ATG14: variants seen among roughly 807,000 people sequenced by gnomAD.
ATG14 encodes the protein autophagy related 14.
In ATG14, 35 loss-of-function variants were observed where a neutral mutation model predicts 60.4. The ratio of observed to expected loss-of-function variants is 0.58; its 90% CI spans 0.44 to 0.77. ATG14 has a LOEUF of 0.77. Ranked by LOEUF, ATG14 falls within the 30% of genes least tolerant of loss-of-function variation. The pLI, the probability that ATG14 is intolerant of heterozygous loss-of-function variation, is 0.00. For synonymous variants in ATG14, 234 were observed against 228.8 expected (o/e 1.02, Z -0.21); for missense variants, 647 against 626.3 (o/e 1.03, Z -0.35).
intron 1 of ATG14, among the ~76,000 whole-genome samples, chr14:55,409,502 G>A (rs1352657608): frequency 2.0e-5 from 3 of 152,110 alleles, no homozygotes; most frequent in Admixed American, 6.5e-5. Context: ...GGTTAAATAC[G>A]CATGAGGTTA....
At chr14:55,382,222 A>G (rs1239787185) in intron 5 of ATG14, 31 bp from the exon 6 acceptor site, 1 of 1,606,090 alleles carries the variant, frequency 6.2e-7, no homozygotes, top group Non-Finnish European at 8.5e-7. Context: ...ACGGATTTTC[A>G]AGAGAGAGGG....
chr14:55,382,094 G>A lies in ATG14; in HGVS notation c.745C>T (p.Arg249Ter). 2.5e-6 allele frequency: 4 copies of A among 1,614,070 alleles called. No individual in the cohort carries two copies. Among genetic ancestry groups the A allele is most frequent in the Non-Finnish European group, 2.5e-6 (3 of 1,180,004 alleles). ...EARRTTYLSGRWVCDDHNGDT... is the reference protein window; with the variant it reads ...EARRTTYLSG Reference sequence around the variant, plus strand: ...CCGTTGTGATCGTCACAGACCCATCGTCCTGAGAGGTAAGTTGTCCTCCGG... The same window carrying A: ...CCGTTGTGATCGTCACAGACCCATCATCCTGAGAGGTAAGTTGTCCTCCGG... Residue 249 changes from arginine (R) to a stop codon, truncating the protein, a stop_gained, in exon 6 of 10, where the codon CGA (arginine) becomes TGA (stop). Transcript: ENST00000247178. LOFTEE classifies it high-confidence loss of function.
chr14:55,378,056 A>G lies in ATG14; in HGVS notation c.1014T>C (p.Asn338=). 4 of 1,612,902 alleles carry G rather than the reference A, an allele frequency of 2.5e-6. No individual in the cohort carries two copies. The highest frequency in any genetic ancestry group is 3.4e-6 in the Non-Finnish European group (4 of 1,179,232). ...CTCGAGTAAATTTCTGCTTGCTTAG[A>G]TTTTCGCCACAAAATTCACTGTAAA... ...KLCNSEFCGE[N]LSKQKFTRAV... is the part of the protein sequence containing the mutation. Residue 338 remains asparagine (N), a synonymous_variant, in exon 8 of 10, where the codon AAT becomes AAC. Transcript: ENST00000247178.
intron 5 of ATG14, among the ~76,000 whole-genome samples, chr14:55,385,295 TTTTG>T (rs1322834866): frequency 1.3e-5 from 2 of 152,138 alleles, no homozygotes; most frequent in Non-Finnish European, 1.5e-5. Flanking sequence ...TCTGGTTTTT[TTTTG>T]TTTGTTTCTT....
At chr14:55,374,452 CTGTT>C (rs1246155974) in intron 9 of ATG14, among the ~76,000 whole-genome samples, 1 of 152,144 alleles carries the variant, frequency 6.6e-6, no homozygotes, top group Non-Finnish European at 1.5e-5. Flanking sequence ...AATCTGTTGT[CTGTT>C]ATAGAGGTTG....
chr14:55,369,532 T>TCTTAA lies in ATG14; in HGVS notation c.*82_*86dup, dbSNP rs1342431632. ...TTTAACCTCTTTGTTCCAGACACTA[T>TCTTAA]CTTAACTTAAACAGAAAATGTTTAC... On this transcript the variant is annotated 3_prime_UTR_variant, in exon 10 of 10. Coordinates refer to ENST00000247178, the MANE Select transcript of ATG14 (RefSeq NM_014924.5). 3.2e-6 allele frequency: 4 copies of TCTTAA among 1,258,510 alleles called. No individual in the cohort carries two copies. The highest frequency in any genetic ancestry group is 3.0e-5 in the African/African-American group (2 of 67,432). 78.0% of individuals were successfully genotyped at this position (1,258,510 alleles called of 1,614,324 possible).
At chr14:55,374,872 A>G (rs1884889129) in intron 9 of ATG14, among the ~76,000 whole-genome samples, 1 of 152,192 alleles carries the variant, frequency 6.6e-6, no homozygotes, top group Non-Finnish European at 1.5e-5. Flanking sequence ...ACCTATTTGC[A>G]TGCTAACAGC....
intron 1 of ATG14, among the ~76,000 whole-genome samples, chr14:55,399,114 T>C (rs1885360304): frequency 6.6e-6 from 1 of 152,216 alleles, no homozygotes; most frequent in Non-Finnish European, 1.5e-5. Context: ...CCCCAAGATG[T>C]CTGCTTCTAA....
At chr14:55,385,527 A>C (rs1885110134) in intron 5 of ATG14, among the ~76,000 whole-genome samples, 1 of 152,208 alleles carries the variant, frequency 6.6e-6, no homozygotes, top group Non-Finnish European at 1.5e-5. Context: ...TCCTGACCTC[A>C]GGTGATTCGC....
At chr14:55,380,390 C>T (rs1166546044) in intron 7 of ATG14, among the ~76,000 whole-genome samples, 183 bp downstream of exon 7, 1 of 152,190 alleles carries the variant, frequency 6.6e-6, no homozygotes, top group African/African-American at 2.4e-5. Context: ...TCACGTACAA[C>T]TGTAAGATAA....
chr14:55,376,116 A>G (rs1190013973), intron 9 of ATG14, among the ~76,000 whole-genome samples: 1 of 152,220 alleles, frequency 6.6e-6, no homozygotes. Flanking sequence ...GGAGTCAGCC[A>G]GGTGTGCACT....
chr14:55,400,273 T>C (rs931238101), intron 1 of ATG14, among the ~76,000 whole-genome samples: 16 of 152,120 alleles, frequency 1.1e-4, no homozygotes, highest in South Asian at 2.1e-4. Flanking sequence ...AAAAATAGAG[T>C]ATCACTATAT....
intron 6 of ATG14, among the ~76,000 whole-genome samples, chr14:55,381,549 T>C (rs763735051): frequency 1.3e-5 from 2 of 152,192 alleles, no homozygotes; most frequent in Non-Finnish European, 2.9e-5. Context: ...ATCCATATGA[T>C]GGAATATTAC....
chr14:55,370,732 C>G (rs1884796349), intron 9 of ATG14, among the ~76,000 whole-genome samples: 1 of 151,992 alleles, frequency 6.6e-6, no homozygotes, highest in South Asian at 2.1e-4. Context: ...CCTCCACCGC[C>G]CAGGTGCAAG....
chr14:55,398,343 C>T (rs1885348806), intron 1 of ATG14, among the ~76,000 whole-genome samples: 2 of 152,020 alleles, frequency 1.3e-5, no homozygotes. Flanking sequence ...TTTCTTTTTG[C>T]AGTTTAAGGT....
At chr14:55,391,936 T>C (rs1306993760) in intron 3 of ATG14, among the ~76,000 whole-genome samples, 3 of 152,350 alleles carry the variant, frequency 2.0e-5, no homozygotes, top group African/African-American at 7.2e-5. Flanking sequence ...CAGAAAATTA[T>C]ATGAAACATG....
chr14:55,389,021 T>G (rs1261630173), intron 4 of ATG14, among the ~76,000 whole-genome samples: 1 of 152,208 alleles, frequency 6.6e-6, no homozygotes, highest in East Asian at 1.9e-4. Context: ...AAGTCCAGGA[T>G]AGATCCTAGG....
At chr14:55,409,511 T>C (rs1017511094) in intron 1 of ATG14, among the ~76,000 whole-genome samples, 2 of 151,980 alleles carry the variant, frequency 1.3e-5, no homozygotes, top group East Asian at 3.9e-4. Flanking sequence ...CGCATGAGGT[T>C]AGCATTTTAA....
chr14:55,395,973 T>G lies in ATG14; in HGVS notation c.294A>C (p.Lys98Asn). The change falls in exon 3 of 10, where the codon AAA becomes AAC. Residue 98 changes from lysine to asparagine, a missense_variant. Lys to Asn is a moderately conservative substitution (Grantham distance 94). Coordinates refer to ENST00000247178, the MANE Select transcript of ATG14 (RefSeq NM_014924.5). The part of the protein sequence containing the change: ...KQEEFQKEVL[K>N]AMEGKWITDQ... Reference sequence around the variant, plus strand: ...CTGTTATCCATTTTCCTTCCATAGCTTTTAACACTCTGTGAGGAAAAGAGA... The same window carrying G: ...CTGTTATCCATTTTCCTTCCATAGCGTTTAACACTCTGTGAGGAAAAGAGA... 6.3e-7 allele frequency: 1 copy of G among 1,589,966 alleles called. No homozygotes were observed.
Sources: gnomAD v4.1 joint callset for allele counts (sites outside exome capture counted in the v4.1 genomes callset) on GRCh38, gnomAD v4.1.1 for gene constraint, MANE v1.5 for transcripts, NCBI Gene and HGNC (gene_info 2026-07-23, HGNC 2026-07-21) for gene names.